Variants in PPP1CC observed in about 807,000 individuals in gnomAD.
PPP1CC encodes the protein protein phosphatase 1 catalytic subunit gamma.
In PPP1CC, 16 loss-of-function variants were observed where a neutral mutation model predicts 38.4. The ratio of observed to expected loss-of-function variants is 0.42; its 90% CI spans 0.28 to 0.63. The LOEUF is 0.63. Ranked by LOEUF, PPP1CC falls within the 30% of genes least tolerant of loss-of-function variation. The pLI, the probability that PPP1CC is intolerant of heterozygous loss-of-function variation, is 0.25. For synonymous variants in PPP1CC, 158 were observed against 136.0 expected, an observed-to-expected ratio of 1.16 and a Z score of -1.13; for missense variants, 170 against 391.3, an observed-to-expected ratio of 0.43 and a Z score of 4.77.
chr12:110,713,961 T>C, the PPP1CC span, among the ~76,000 whole-genome samples: 2 of 152,076 alleles, frequency 1.3e-5, 1 homozygote, highest in South Asian at 4.1e-4. Flanking sequence ...TAGCTCGGCG[T>C]GGTGGCGGGC....
chr12:110,713,518 G>C, the PPP1CC span, among the ~76,000 whole-genome samples: 1 of 152,062 alleles, frequency 6.6e-6, no homozygotes, highest in Non-Finnish European at 1.5e-5. Context: ...AATCAGGGAA[G>C]GCTCTACCTA....
chr12:110,738,121 C>T (rs759206071), intron 1 of PPP1CC, among the ~76,000 whole-genome samples: 3 of 152,120 alleles, frequency 2.0e-5, no homozygotes, highest in African/African-American at 7.2e-5. Flanking sequence ...TTTTCATTTG[C>T]TGTAAGCTTT....
intron 4 of PPP1CC, among the ~76,000 whole-genome samples, chr12:110,723,258 G>C (rs1227214574): frequency 2.0e-5 from 3 of 152,030 alleles, no homozygotes; most frequent in Non-Finnish European, 4.4e-5. Flanking sequence ...CAGGCTTTTT[G>C]ATGGCTAAAA....
intron 3 of PPP1CC, among the ~76,000 whole-genome samples, chr12:110,727,096 G>A (rs897466008): frequency 6.6e-6 from 1 of 152,176 alleles, no homozygotes; most frequent in African/African-American, 2.4e-5. Context: ...CACCACCACA[G>A]CTAATTTTTG....
chr12:110,736,088 C>CAAAA (rs397818219), intron 1 of PPP1CC, among the ~76,000 whole-genome samples: 3 of 150,678 alleles, frequency 2.0e-5, no homozygotes, highest in Non-Finnish European at 3.0e-5. Context: ...AACAAACAAA[C>CAAAA]TCCGTCTCAA....
At chr12:110,732,514 GATTTA>G (rs1258710442) in intron 1 of PPP1CC, 1 of 152,322 alleles carries the variant, frequency 6.6e-6, no homozygotes, top group Non-Finnish European at 1.5e-5. Flanking sequence ...GAGGATCTCT[GATTTA>G]ATTTACCTAT....
chr12:110,727,519 C>T (rs1331178060), intron 3 of PPP1CC, among the ~76,000 whole-genome samples: 2 of 151,352 alleles, frequency 1.3e-5, no homozygotes, highest in African/African-American at 4.9e-5. Context: ...CATTACTGTA[C>T]ATCAGACAGC....
chr12:110,723,182 T>A (rs1476231295), intron 4 of PPP1CC, among the ~76,000 whole-genome samples: 1 of 151,962 alleles, frequency 6.6e-6, no homozygotes, highest in Non-Finnish European at 1.5e-5. Flanking sequence ...ATTGTAAGAG[T>A]TAAAAACCAT....
At chr12:110,729,192 C>CTTTTTTTT (rs1026282471) in intron 3 of PPP1CC, among the ~76,000 whole-genome samples, 1 of 120,288 alleles carries the variant, frequency 8.3e-6, no homozygotes, top group Non-Finnish European at 1.7e-5. Context: ...ATTTTCAAAG[C>CTTTTTTTT]TTTTTTTTTT....
At chr12:110,714,400 A>G in the PPP1CC span, among the ~76,000 whole-genome samples, 1 of 152,048 alleles carries the variant, frequency 6.6e-6, no homozygotes, top group African/African-American at 2.4e-5. Context: ...TCCACGCTGA[A>G]TCTGGGTCCT....
At chr12:110,742,557 C>G (rs1036793745) in intron 1 of PPP1CC, 96 bp downstream of exon 1, 1 of 1,104,184 alleles carries the variant, frequency 9.1e-7, no homozygotes, top group African/African-American at 1.6e-5. Flanking sequence ...GTGCTGCAAG[C>G]CCAACCGGCC....
chr12:110,738,824 G>C (rs183471041), intron 1 of PPP1CC, among the ~76,000 whole-genome samples: 18 of 152,268 alleles, frequency 1.2e-4, no homozygotes, highest in Admixed American at 1.2e-3. Flanking sequence ...CAATGCTGTG[G>C]TTTAAAAAAG....
At chr12:110,715,047 C>T (rs552345686), downstream of PPP1CC, among the ~76,000 whole-genome samples, 8 of 151,892 alleles carry the variant, frequency 5.3e-5, no homozygotes, top group East Asian at 9.7e-4. Flanking sequence ...AAGAATATAA[C>T]GACCAGTTTA....
At chr12:110,726,140 A>G (rs181495722) in intron 3 of PPP1CC, 1 of 152,236 alleles carries the variant, frequency 6.6e-6, no homozygotes, top group Non-Finnish European at 1.5e-5. Flanking sequence ...AGGGACATCT[A>G]AAGGTTTAAA....
intron 6 of PPP1CC, chr12:110,721,620 T>C (rs1347150158): frequency 5.9e-6 from 1 of 168,878 alleles, no homozygotes; most frequent in African/African-American, 2.4e-5. Context: ...TTTATGTTTA[T>C]GACTAGGCTG....
In PPP1CC at chr12:110,722,330, T is replaced by C; in HGVS notation, c.748-61A>G. On this transcript the variant is annotated intron_variant, in intron 5 of 6. Transcript: ENST00000335007. This position sits in a 1 kb window ranked among gnomAD's most constrained non-coding sequence, Gnocchi z 5.4. ...AAATATTAGGTGAGTAAAACCATGT[T>C]TCAGTTTCCCATTGAGCCTGATATC... 6.3e-7 allele frequency: 1 copy of C among 1,590,520 alleles called. No homozygotes were observed. Among genetic ancestry groups the C allele is most frequent in the Non-Finnish European group, 8.6e-7 (1 of 1,163,152 alleles).
At position 110,722,099 on chromosome 12, in the gene PPP1CC, A is replaced by C; in HGVS notation, c.882+36T>G. The C allele has an allele frequency of 6.2e-7, 1 of 1,611,144 alleles. No homozygotes were observed. The highest frequency in any genetic ancestry group is 8.5e-7 in the Non-Finnish European group (1 of 1,177,830). On this transcript the variant is annotated intron_variant, in intron 6 of 6. Coordinates refer to ENST00000335007, the MANE Select transcript of PPP1CC (RefSeq NM_002710.4). The surrounding 1 kb of genome is among the most constrained non-coding windows in gnomAD (Gnocchi z 5.4). ...ATTTTTCAATCAGCAAAGTGTAAAC[A>C]TATTAAAAGGAAATCATGTTGAAAG... is the stretch of plus-strand genomic sequence containing the variant.
In PPP1CC at chr12:110,737,477, C is replaced by CAAA. The variant is rs71083137; in HGVS notation, c.55+5173_55+5175dup. Among the ~76,000 whole-genome samples, 226 of 42,374 alleles carry CAAA rather than the reference C, an allele frequency of 5.3e-3. 2 individuals are homozygous for CAAA. Among genetic ancestry groups the CAAA allele is most frequent in the Middle Eastern group, 0.022 (1 of 46 alleles). The allele number at this position is 42,374 out of a possible 152,430, so 27.8% of individuals were successfully genotyped here. A position where few individuals can be genotyped will look rare whatever the true frequency, so the allele number is the denominator to read the frequency against. Reference sequence around the variant, plus strand: ...CCAGCCTGGGTGACAAAGAAAGACTCAAAAAAAAAAAAAAAAAAAAAAAAG... The same window carrying CAAA: ...CCAGCCTGGGTGACAAAGAAAGACTCAAAAAAAAAAAAAAAAAAAAAAAAAAAG... On this transcript the variant is annotated intron_variant, in intron 1 of 6. Coordinates refer to ENST00000335007, the MANE Select transcript of PPP1CC (RefSeq NM_002710.4).
intron 1 of PPP1CC, chr12:110,732,241 T>G: frequency 2.5e-6 from 1 of 397,296 alleles, no homozygotes. Flanking sequence ...CAGATCATGA[T>G]GAGGTCAAGA....
Sources: allele counts gnomAD v4.1 joint callset (sites outside exome capture counted in the v4.1 genomes callset), GRCh38; gene constraint gnomAD v4.1.1; non-coding constraint Gnocchi (gnomAD v3.1); transcripts MANE v1.5; gene names NCBI Gene and HGNC (gene_info 2026-07-23, HGNC 2026-07-21).